PARD3B: variants seen among roughly 807,000 people sequenced by gnomAD.
PARD3B encodes the protein partitioning defective 3 homolog B.
A neutral mutation model predicts 130.2 loss-of-function variants in PARD3B; 103 were observed. The observed-to-expected ratio is 0.79, with a 90% confidence interval of 0.67 to 0.93. The LOEUF (loss-of-function observed/expected upper bound fraction) is 0.93. Among genes scored for constraint, PARD3B ranks in the 40% least tolerant of loss-of-function variants. The pLI is 0.00. For synonymous variants in PARD3B, 583 were observed against 553.2 expected (o/e 1.05, Z -0.76); for missense variants, 1,609 against 1,499.2 (o/e 1.07, Z -1.21).
intron 2 of PARD3B, among the ~76,000 whole-genome samples, chr2:204,839,459 G>T (rs529679796): frequency 1.3e-5 from 2 of 152,204 alleles, no homozygotes; most frequent in South Asian, 4.2e-4. Context: ...TTTCCATTTT[G>T]ATTTTAGAAA....
intron 18 of PARD3B, among the ~76,000 whole-genome samples, chr2:205,364,168 T>C (rs2044510262): frequency 6.6e-6 from 1 of 152,198 alleles, no homozygotes. Context: ...CATTTGTCTA[T>C]TGACTTTATT....
chr2:205,505,946 G>T (rs1483142539), intron 21 of PARD3B, among the ~76,000 whole-genome samples: 6 of 152,144 alleles, frequency 3.9e-5, no homozygotes, highest in Non-Finnish European at 7.4e-5. Flanking sequence ...TAGACACATG[G>T]TTGGGAAGGG....
At chr2:205,417,029 G>T (rs947799995) in intron 19 of PARD3B, among the ~76,000 whole-genome samples, 1 of 151,258 alleles carries the variant, frequency 6.6e-6, no homozygotes, top group African/African-American at 2.4e-5. Context: ...TGCTGCACCC[G>T]TTAACTCGTC....
chr2:204,762,436 AT>A (rs1244319643), intron 2 of PARD3B, among the ~76,000 whole-genome samples: 2 of 152,026 alleles, frequency 1.3e-5, no homozygotes, highest in Non-Finnish European at 2.9e-5. Context: ...AATGGCAAAG[AT>A]TTTCTAAAGC....
chr2:205,016,850 T>C (rs1446348428), intron 3 of PARD3B, among the ~76,000 whole-genome samples: 3 of 152,164 alleles, frequency 2.0e-5, no homozygotes, highest in African/African-American at 4.8e-5. Context: ...CACATTCTGC[T>C]CTTAAAATGT....
chr2:205,330,170 G>A (rs1373985882), intron 18 of PARD3B, among the ~76,000 whole-genome samples: 4 of 150,626 alleles, frequency 2.7e-5, no homozygotes, highest in East Asian at 2.0e-4. Flanking sequence ...GAGAAACCCT[G>A]TCTCTACTAA....
At chr2:204,591,535 G>A (rs2033073605) in intron 1 of PARD3B, among the ~76,000 whole-genome samples, 1 of 152,160 alleles carries the variant, frequency 6.6e-6, no homozygotes, top group Non-Finnish European at 1.5e-5. Flanking sequence ...AACCTTTTAT[G>A]CATTGTGTGT....
chr2:205,603,877 G>A (rs527852470), intron 22 of PARD3B, among the ~76,000 whole-genome samples: 2 of 152,282 alleles, frequency 1.3e-5, no homozygotes, highest in African/African-American at 4.8e-5. Flanking sequence ...GTGTGAATTT[G>A]ATCCTATCAT....
chr2:205,049,574 C>G (rs1699044411), intron 4 of PARD3B, among the ~76,000 whole-genome samples: 1 of 152,108 alleles, frequency 6.6e-6, no homozygotes, highest in Admixed American at 6.6e-5. Context: ...GTTTCTATCA[C>G]TTAGGCTCTG....
At chr2:205,553,280 G>A (rs2052729309) in intron 21 of PARD3B, 44 bp from the exon 22 acceptor site, 2 of 1,550,884 alleles carry the variant, frequency 1.3e-6, no homozygotes, top group African/African-American at 1.4e-5. Context: ...CAGTAACCAA[G>A]GTGTATAATG....
intron 22 of PARD3B, among the ~76,000 whole-genome samples, chr2:205,577,840 C>T (rs921041129): frequency 9.2e-5 from 14 of 152,252 alleles, no homozygotes; most frequent in Non-Finnish European, 1.2e-4. Flanking sequence ...GAGTATTTGG[C>T]CTGTCTTGTG....
chr2:205,141,190 A>G (rs1167359146), intron 10 of PARD3B, among the ~76,000 whole-genome samples: 1 of 152,220 alleles, frequency 6.6e-6, no homozygotes, highest in Non-Finnish European at 1.5e-5. Flanking sequence ...AACGGTTTTG[A>G]AAGGACAAAA....
intron 2 of PARD3B, among the ~76,000 whole-genome samples, chr2:204,835,292 A>G (rs1296439695): frequency 6.6e-6 from 1 of 152,244 alleles, no homozygotes; most frequent in Non-Finnish European, 1.5e-5. Flanking sequence ...TCACAATGCC[A>G]CATACTTTGG....
At chr2:204,629,328 A>G (rs892846718) in intron 1 of PARD3B, among the ~76,000 whole-genome samples, 5 of 152,118 alleles carry the variant, frequency 3.3e-5, no homozygotes, top group Non-Finnish European at 2.9e-5. Context: ...ATTTTTACAT[A>G]CCGTGCTCCT....
At chr2:204,684,796 T>A (rs894446372) in intron 1 of PARD3B, among the ~76,000 whole-genome samples, 1 of 152,212 alleles carries the variant, frequency 6.6e-6, no homozygotes, top group Non-Finnish European at 1.5e-5. Flanking sequence ...AGTAAATCAT[T>A]GGTGTTTGCA....
chr2:205,075,697 A>G (rs994426251), intron 4 of PARD3B, among the ~76,000 whole-genome samples: 30 of 150,640 alleles, frequency 2.0e-4, no homozygotes, highest in African/African-American at 7.4e-4. Flanking sequence ...AAAAAAAAAA[A>G]AAGAATTTTT....
At chr2:205,596,053 C>G (rs2054558975) in intron 22 of PARD3B, among the ~76,000 whole-genome samples, 1 of 152,150 alleles carries the variant, frequency 6.6e-6, no homozygotes, top group Admixed American at 6.5e-5. Context: ...ATGGAACCCA[C>G]AGAAGGTAGG....
In PARD3B at chr2:205,269,917, A is replaced by G. The variant is rs760420878; in HGVS notation, c.2185+24095A>G. Among the ~76,000 whole-genome samples, 6 of 152,200 alleles carry G rather than the reference A, an allele frequency of 3.9e-5. No individual in the cohort carries two copies. Among genetic ancestry groups the G allele is most frequent in the African/African-American group, 7.2e-5 (3 of 41,458 alleles). On this transcript the variant is annotated intron_variant, in intron 16 of 22. Transcript: ENST00000406610. The surrounding 1 kb of genome is among the most constrained non-coding windows in gnomAD (Gnocchi z 4.7). ...TAACATGTAATTTTTTCCCTAGAATACAGCAAATAATAACTGAAGATTTTA... is the reference window on the plus strand; with the variant it reads ...TAACATGTAATTTTTTCCCTAGAATGCAGCAAATAATAACTGAAGATTTTA...
chr2:204,691,724 G>A (rs1296805870), intron 2 of PARD3B, among the ~76,000 whole-genome samples: 2 of 152,002 alleles, frequency 1.3e-5, no homozygotes, highest in African/African-American at 4.8e-5. Context: ...TAATGTAGGT[G>A]TTTTGATGTT....
Sources: gnomAD v4.1 joint callset for allele counts (sites outside exome capture counted in the v4.1 genomes callset) on GRCh38, gnomAD v4.1.1 for gene constraint, Gnocchi (gnomAD v3.1) non-coding constraint, MANE v1.5 for transcripts, NCBI Gene and HGNC (gene_info 2026-07-23, HGNC 2026-07-21) for gene names.